The following LRP1B variants were observed in gnomAD, a reference collection of about 807,000 sequenced individuals.
LRP1B encodes LDL receptor related protein 1B, also known as low-density lipoprotein receptor-related protein 1B.
In LRP1B, 217 loss-of-function variants were observed where a neutral mutation model predicts 556.6. The observed-to-expected ratio is 0.39, with a 90% CI of 0.35 to 0.44. LRP1B has a LOEUF of 0.44. Among genes scored for constraint, LRP1B ranks in the 20% least tolerant of loss-of-function variants. The probability of loss-of-function intolerance (pLI) is 1.00; values close to 1 mark genes in which losing one functional copy is unlikely to be tolerated. For missense variants in LRP1B, 5,053 were observed against 5,620.8 expected (o/e 0.90, Z 3.23); for synonymous variants, 2,047 against 1,865.8 (o/e 1.10, Z -2.50).
chr2:141,600,365 A>T (rs1687681502), intron 2 of LRP1B, among the ~76,000 whole-genome samples: 1 of 152,188 alleles, frequency 6.6e-6, no homozygotes, highest in Non-Finnish European at 1.5e-5. Flanking sequence ...TAAAGTTGAG[A>T]AACATTGGTC....
At chr2:141,001,935 C>T (rs529117962) in intron 15 of LRP1B, among the ~76,000 whole-genome samples, 1 of 152,158 alleles carries the variant, frequency 6.6e-6, no homozygotes, top group Non-Finnish European at 1.5e-5. Flanking sequence ...AGCAAATGTA[C>T]ACATAAAGCA....
intron 2 of LRP1B, among the ~76,000 whole-genome samples, chr2:141,693,324 G>C (rs1444175258): frequency 6.6e-6 from 1 of 151,982 alleles, no homozygotes; most frequent in Admixed American, 6.6e-5. Flanking sequence ...ACCGCAAAAT[G>C]AGAGGATTTG....
chr2:140,962,644 G>A (rs539257062), intron 18 of LRP1B, among the ~76,000 whole-genome samples: 1 of 152,056 alleles, frequency 6.6e-6, no homozygotes, highest in Non-Finnish European at 1.5e-5. Flanking sequence ...CTCACCTCAG[G>A]CCTGCTCAAA....
At chr2:142,027,092 G>A (rs1300950624) in intron 1 of LRP1B, among the ~76,000 whole-genome samples, 1 of 151,904 alleles carries the variant, frequency 6.6e-6, no homozygotes, top group Non-Finnish European at 1.5e-5. Context: ...AAATAGATGA[G>A]GGGAATCTGC....
intron 1 of LRP1B, among the ~76,000 whole-genome samples, chr2:142,061,579 A>T (rs1704915881): frequency 6.6e-6 from 1 of 152,032 alleles, no homozygotes; most frequent in South Asian, 2.1e-4. Flanking sequence ...AAACTAATTC[A>T]TGAGAAACAT....
intron 32 of LRP1B, among the ~76,000 whole-genome samples, chr2:140,799,997 C>A (rs911590620): frequency 6.6e-6 from 1 of 152,022 alleles, no homozygotes; most frequent in African/African-American, 2.4e-5. Context: ...CAGGGAATTC[C>A]CAAATGTCCA....
intron 22 of LRP1B, among the ~76,000 whole-genome samples, chr2:140,906,912 A>C (rs1443759306): frequency 6.6e-6 from 1 of 151,318 alleles, no homozygotes; most frequent in South Asian, 2.1e-4. Flanking sequence ...TGTTGCATTC[A>C]CTGTTTCAAG....
intron 1 of LRP1B, among the ~76,000 whole-genome samples, chr2:142,116,684 T>A (rs1375613): frequency 0.42 from 63,869 of 152,004 alleles, 15,240 homozygotes; most frequent in East Asian, 0.69. Context: ...TTGAAGGGTA[T>A]ATGGAAACTC....
chr2:140,903,242 C>A (rs1573861857), intron 22 of LRP1B, 77 bp from the exon 23 acceptor site: 6 of 1,503,094 alleles, frequency 4.0e-6, no homozygotes, highest in Middle Eastern at 1.8e-4. Context: ...GAACTCAATT[C>A]TCTAAGCCTA....
At chr2:141,235,621 G>A (rs766334568) in intron 5 of LRP1B, among the ~76,000 whole-genome samples, 1 of 152,078 alleles carries the variant, frequency 6.6e-6, no homozygotes, top group Admixed American at 6.6e-5. Flanking sequence ...ATATTGAGGA[G>A]AGATTGACCT....
At chr2:140,454,548 A>G (rs1435538491) in intron 62 of LRP1B, among the ~76,000 whole-genome samples, 1 of 151,998 alleles carries the variant, frequency 6.6e-6, no homozygotes, top group Non-Finnish European at 1.5e-5. Flanking sequence ...ACACATTTGG[A>G]TTTGTTTGTT....
chr2:140,935,334 A>G (rs1695171716), intron 20 of LRP1B, among the ~76,000 whole-genome samples: 1 of 152,280 alleles, frequency 6.6e-6, no homozygotes, highest in East Asian at 1.9e-4. Context: ...GATATCTTTA[A>G]AGAGCTAAGC....
intron 17 of LRP1B, among the ~76,000 whole-genome samples, chr2:140,983,353 G>A (rs1311672984): frequency 2.6e-5 from 4 of 152,014 alleles, no homozygotes; most frequent in Non-Finnish European, 4.4e-5. Context: ...AATTGGGGTC[G>A]AAGTATCAGT....
chr2:140,720,648 T>C (rs1687368703), intron 35 of LRP1B, among the ~76,000 whole-genome samples: 1 of 152,022 alleles, frequency 6.6e-6, no homozygotes. Flanking sequence ...AAAAAGGAAA[T>C]AAAAGTGTTT....
chr2:140,683,430 T>C (rs1685933429), intron 41 of LRP1B: 7 of 540,192 alleles, frequency 1.3e-5, no homozygotes, highest in Admixed American at 2.3e-5. Context: ...TTGAGGTGGA[T>C]AGTGCCACCT....
chr2:142,075,199 T>C (rs771150561), intron 1 of LRP1B, among the ~76,000 whole-genome samples: 6 of 152,066 alleles, frequency 3.9e-5, no homozygotes, highest in Non-Finnish European at 7.4e-5. Flanking sequence ...GTATTGAGCA[T>C]AGATAATAGG....
At chr2:140,686,054 C>A (rs1482638170) in intron 41 of LRP1B, among the ~76,000 whole-genome samples, 1 of 152,038 alleles carries the variant, frequency 6.6e-6, no homozygotes, top group Admixed American at 6.5e-5. Context: ...AAAATATAGA[C>A]CACTGGGAAG....
intron 2 of LRP1B, among the ~76,000 whole-genome samples, chr2:141,619,580 C>T (rs1315993065): frequency 6.6e-6 from 1 of 152,132 alleles, no homozygotes; most frequent in Non-Finnish European, 1.5e-5. Flanking sequence ...GAAATTTTCT[C>T]TCTTAAAAAT....
chr2:141,544,362 T>G (rs920402150), intron 2 of LRP1B, among the ~76,000 whole-genome samples: 1 of 99,550 alleles, frequency 1.0e-5, no homozygotes, highest in Non-Finnish European at 2.1e-5. Context: ...CTTCTTCTTC[T>G]TCTTCTTCTT....
Sources: gnomAD v4.1 joint callset for allele counts (sites outside exome capture counted in the v4.1 genomes callset) on GRCh38, gnomAD v4.1.1 for gene constraint, MANE v1.5 for transcripts, NCBI Gene and HGNC (gene_info 2026-07-23, HGNC 2026-07-21) for gene names.